The following CABCOCO1 variants were observed in gnomAD, a reference collection of about 807,000 sequenced individuals.
The protein encoded by CABCOCO1 is ciliary associated calcium binding coiled-coil 1, also known as ciliary-associated calcium-binding coiled-coil protein 1.
CABCOCO1 carries 28 observed loss-of-function variants against 35.7 expected under a neutral mutation model. The ratio of observed to expected loss-of-function variants is 0.78; its 90% CI spans 0.58 to 1.07. The LOEUF (loss-of-function observed/expected upper bound fraction) is 1.07. CABCOCO1 is among the 50% of genes least tolerant of loss of function. The pLI is 0.00. For missense variants in CABCOCO1, 326 were observed against 309.2 expected, an observed-to-expected ratio of 1.05 and a Z score of -0.41; for synonymous variants, 95 against 100.1, an observed-to-expected ratio of 0.95 and a Z score of 0.30.
chr10:61,707,010 G>A (rs1000151789), intron 5 of CABCOCO1, among the ~76,000 whole-genome samples: 11 of 152,056 alleles, frequency 7.2e-5, no homozygotes, highest in Non-Finnish European at 1.5e-4. Flanking sequence ...ACCCATTTTC[G>A]GTGCACTATT....
chr10:61,701,523 A>C (rs1480459817), intron 5 of CABCOCO1, among the ~76,000 whole-genome samples: 1 of 152,108 alleles, frequency 6.6e-6, no homozygotes, highest in African/African-American at 2.4e-5. Flanking sequence ...AGCTAAGGGG[A>C]TTTACTCTGC....
chr10:61,675,415 G>C (rs1025483239), intron 2 of CABCOCO1, among the ~76,000 whole-genome samples: 4 of 152,168 alleles, frequency 2.6e-5, no homozygotes, highest in Non-Finnish European at 4.4e-5. Context: ...TAAAAGGGAA[G>C]AGACAAATGG....
chr10:61,666,963 A>T (rs1449411520), intron 1 of CABCOCO1, among the ~76,000 whole-genome samples: 1 of 140,708 alleles, frequency 7.1e-6, no homozygotes, highest in East Asian at 2.0e-4. Flanking sequence ...TATAAATATA[A>T]TTATATATTA....
At chr10:61,758,452 C>T (rs1461433225) in intron 5 of CABCOCO1, among the ~76,000 whole-genome samples, 1 of 151,926 alleles carries the variant, frequency 6.6e-6, no homozygotes, top group East Asian at 1.9e-4. Flanking sequence ...TGCAATGGCT[C>T]GTGGAAGTGC....
intron 5 of CABCOCO1, among the ~76,000 whole-genome samples, chr10:61,702,788 A>G (rs1840494094): frequency 6.6e-6 from 1 of 152,164 alleles, no homozygotes; most frequent in Non-Finnish European, 1.5e-5. Context: ...TGAAGAGTCA[A>G]TTAAGAAAGA....
chr10:61,765,221 C>A (rs2588917), intron 7 of CABCOCO1, among the ~76,000 whole-genome samples: 51,307 of 151,966 alleles, frequency 0.34, 10,184 homozygotes, highest in Middle Eastern at 0.46. Context: ...ATTTTATTAT[C>A]CCTTGTGAAA....
chr10:61,681,133 T>C lies in CABCOCO1; in HGVS notation c.165-10T>C. On this transcript the variant is annotated splice_polypyrimidine_tract_variant and intron_variant, in intron 2 of 7. Transcript: ENST00000648843. ...TGAATTAATATGTGGATTTTTGTTT[T>C]ATTTTACAGAAAACTGAGAATATTT... 3 of 1,412,278 alleles carry C rather than the reference T, an allele frequency of 2.1e-6. No individual in the cohort carries two copies. The highest frequency in any genetic ancestry group is 1.4e-5 in the South Asian group (1 of 71,374). 87.5% of individuals were successfully genotyped at this position (1,412,278 alleles called of 1,614,324 possible). A position where few individuals can be genotyped will look rare whatever the true frequency, so the allele number is the denominator to read the frequency against.
chr10:61,715,193 CT>C (rs1310679872), intron 5 of CABCOCO1, among the ~76,000 whole-genome samples: 1 of 152,078 alleles, frequency 6.6e-6, no homozygotes, highest in African/African-American at 2.4e-5. Flanking sequence ...AATCTGGGTG[CT>C]CCTGTATTGG....
intron 5 of CABCOCO1, among the ~76,000 whole-genome samples, chr10:61,701,052 A>G (rs1186410535): frequency 1.3e-5 from 2 of 152,062 alleles, no homozygotes; most frequent in Non-Finnish European, 2.9e-5. Context: ...GGTTGTCAAG[A>G]AAATGATGAA....
intron 7 of CABCOCO1, 105 bp downstream of exon 7, chr10:61,761,108 C>A: frequency 8.2e-7 from 1 of 1,217,652 alleles, no homozygotes; most frequent in Non-Finnish European, 1.2e-6. Flanking sequence ...ATGAGCGATG[C>A]TTATGACGAA....
At chr10:61,722,610 T>C (rs1841049455) in intron 5 of CABCOCO1, among the ~76,000 whole-genome samples, 1 of 151,882 alleles carries the variant, frequency 6.6e-6, no homozygotes, top group South Asian at 2.1e-4. Flanking sequence ...TAGAAATAAA[T>C]GAATTTTTTA....
intron 5 of CABCOCO1, among the ~76,000 whole-genome samples, chr10:61,695,115 T>G (rs557911268): frequency 6.6e-6 from 1 of 151,776 alleles, no homozygotes; most frequent in Non-Finnish European, 1.5e-5. Context: ...TGCTTGAAAA[T>G]AATTATCCTT....
intron 5 of CABCOCO1, among the ~76,000 whole-genome samples, chr10:61,737,243 CA>C (rs1191144474): frequency 1.3e-5 from 2 of 152,220 alleles, no homozygotes; most frequent in East Asian, 3.9e-4. Context: ...ATCAAAACCA[CA>C]ATGAGATAGC....
chr10:61,720,917 CTTTTTTTTT>C (rs71018996), intron 5 of CABCOCO1, among the ~76,000 whole-genome samples: 11,518 of 66,286 alleles, frequency 0.17, 873 homozygotes, highest in Admixed American at 0.32. Context: ...TCTTTTCATT[CTTTTTTTTT>C]TTTTTTTTTT....
At chr10:61,746,966 T>A (rs1230555883) in intron 5 of CABCOCO1, among the ~76,000 whole-genome samples, 1 of 152,136 alleles carries the variant, frequency 6.6e-6, no homozygotes, top group Admixed American at 6.6e-5. Flanking sequence ...TCTGATAAGG[T>A]AATCTTTATA....
At chr10:61,760,362 A>G (rs998921758) in intron 6 of CABCOCO1, among the ~76,000 whole-genome samples, 181 bp downstream of exon 6, 4 of 151,926 alleles carry the variant, frequency 2.6e-5, no homozygotes, top group African/African-American at 9.7e-5. Flanking sequence ...AGCAATTTTA[A>G]TCTTTTCCAC....
intron 5 of CABCOCO1, among the ~76,000 whole-genome samples, chr10:61,702,252 A>G (rs991986364): frequency 6.6e-6 from 1 of 152,182 alleles, no homozygotes; most frequent in Non-Finnish European, 1.5e-5. Flanking sequence ...TGACCATCAA[A>G]CCCAGATTTT....
At chr10:61,725,486 A>G (rs2132046745) in intron 5 of CABCOCO1, among the ~76,000 whole-genome samples, 1 of 152,214 alleles carries the variant, frequency 6.6e-6, no homozygotes, top group East Asian at 1.9e-4. Flanking sequence ...AGAAACCATC[A>G]TTCTGAGCAA....
At chr10:61,745,471 C>T (rs1034623723) in intron 5 of CABCOCO1, among the ~76,000 whole-genome samples, 2 of 152,158 alleles carry the variant, frequency 1.3e-5, no homozygotes, top group African/African-American at 4.8e-5. Context: ...TTGTTGTCAG[C>T]TAAAATCAGG....
Sources: allele counts gnomAD v4.1 joint callset (sites outside exome capture counted in the v4.1 genomes callset), GRCh38; gene constraint gnomAD v4.1.1; transcripts MANE v1.5; gene names NCBI Gene and HGNC (gene_info 2026-07-23, HGNC 2026-07-21).